The following ARHGAP22 variants were observed in gnomAD, a reference collection of about 807,000 sequenced individuals.
ARHGAP22 encodes the protein rho GTPase-activating protein 22.
Under a neutral mutation model 59.1 loss-of-function variants are expected in ARHGAP22, and 48 were observed. That is an observed-to-expected ratio of 0.81 (90% CI 0.64 to 1.03). The LOEUF is 1.03. ARHGAP22 is among the 50% of genes least tolerant of loss of function. The probability of loss-of-function intolerance (pLI) is 0.00; values close to 1 mark genes in which losing one functional copy is unlikely to be tolerated. For synonymous variants in ARHGAP22, 445 were observed against 416.4 expected (o/e 1.07, Z -0.84); for missense variants, 1,015 against 958.7 (o/e 1.06, Z -0.78).
At chr10:48,461,704 C>A (rs570188201) in intron 4 of ARHGAP22, among the ~76,000 whole-genome samples, 306 of 152,348 alleles carry the variant, frequency 2.0e-3, no homozygotes, top group African/African-American at 6.9e-3. Context: ...CTTGTGCCAG[C>A]CCCTAAGCTC....
intron 3 of ARHGAP22, 38 bp from the exon 4 acceptor site, chr10:48,479,802 T>C: frequency 1.3e-6 from 2 of 1,521,880 alleles, no homozygotes. Context: ...GCAGGGTCCC[T>C]GCCCGCAGCA....
intron 1 of ARHGAP22, among the ~76,000 whole-genome samples, chr10:48,593,657 TG>T (rs2059899168): frequency 6.6e-6 from 1 of 152,250 alleles, no homozygotes; most frequent in Non-Finnish European, 1.5e-5. Context: ...ATTCATGTGC[TG>T]GGCAAGATAG....
chr10:48,462,759 G>A lies in ARHGAP22; in HGVS notation c.452-2868C>T, dbSNP rs115285468. Among the ~76,000 whole-genome samples, 302 of 152,350 alleles carry A rather than the reference G, an allele frequency of 2.0e-3. 1 individual carries two copies. The highest frequency in any genetic ancestry group is 7.1e-3 in the African/African-American group (296 of 41,590). ...CCCTGCCCAGAAATGGGACCCAAGG[G>A]GCCATTCATCAGCCTTGAGCACAGG... On this transcript the variant is annotated intron_variant, in intron 4 of 9. Coordinates refer to ENST00000249601, the MANE Select transcript of ARHGAP22 (RefSeq NM_021226.4).
chr10:48,608,449 T>C (rs1369819019), upstream of ARHGAP22, among the ~76,000 whole-genome samples: 2 of 152,098 alleles, frequency 1.3e-5, no homozygotes, highest in Non-Finnish European at 2.9e-5. Context: ...AAAGGCGACA[T>C]ATAGATAGCA....
intron 1 of ARHGAP22, among the ~76,000 whole-genome samples, chr10:48,619,435 T>C (rs1461641074): frequency 6.6e-6 from 1 of 152,034 alleles, no homozygotes; most frequent in Non-Finnish European, 1.5e-5. Context: ...CTACTGAACT[T>C]AAAAATAAAC....
chr10:48,605,611 G>A (rs1181551649), upstream of ARHGAP22, among the ~76,000 whole-genome samples: 1 of 152,108 alleles, frequency 6.6e-6, no homozygotes, highest in African/African-American at 2.4e-5. Flanking sequence ...GTTTGATGCT[G>A]GCATAATTTT....
rs1293763504 is a variant in ARHGAP22, at chr10:48,450,962, G to A, written c.1167C>T (p.Pro389=). ...SQGEPGGPGL[P]AHRTSSLDGA... is the part of the protein sequence containing the mutation. ...CGTCCAGGGAAGAGGTCCTGTGCGC[G>A]GGCAGGCCGGGGCCGCCGGGCTCTC... Residue 389 remains proline (P), a synonymous_variant, in exon 9 of 10, where the codon CCC becomes CCT. Coordinates refer to ENST00000249601, the MANE Select transcript of ARHGAP22 (RefSeq NM_021226.4). 4 of 1,571,648 alleles carry A rather than the reference G, an allele frequency of 2.5e-6. No individual in the cohort carries two copies. Among genetic ancestry groups the A allele is most frequent in the Non-Finnish European group, 3.5e-6 (4 of 1,159,386 alleles).
At chr10:48,635,169 C>G (rs1218060614) in intron 1 of ARHGAP22, among the ~76,000 whole-genome samples, 1 of 152,118 alleles carries the variant, frequency 6.6e-6, no homozygotes, top group Non-Finnish European at 1.5e-5. Flanking sequence ...TCTGGGTCCA[C>G]CGTGAATGAA....
chr10:48,595,147 A>G (rs879121964), intron 1 of ARHGAP22, among the ~76,000 whole-genome samples: 1 of 152,338 alleles, frequency 6.6e-6, no homozygotes, highest in South Asian at 2.1e-4. Flanking sequence ...CTGTGAGTGC[A>G]GCCCCTAGAG....
At chr10:48,562,758 T>C (rs1001799196) in intron 2 of ARHGAP22, among the ~76,000 whole-genome samples, 2 of 152,202 alleles carry the variant, frequency 1.3e-5, no homozygotes, top group African/African-American at 2.4e-5. Context: ...TACCAAACTG[T>C]GCCCATGAAA....
In ARHGAP22 at chr10:48,628,878, T is replaced by C. The variant is rs114236541; in HGVS notation, c.52+23356A>G. ...TTCCCATCCATCAACCTGGGGAGTC[T>C]GAGCTGAGAGAGGCCACCACCCTCA... On this transcript the variant is annotated intron_variant, in intron 1 of 9. Coordinates refer to the ARHGAP22 transcript ENST00000435790. Among the ~76,000 whole-genome samples the C allele has an allele frequency of 9.0e-3, 1,369 of 152,236 alleles. 25 individuals carry two copies. The highest frequency in any genetic ancestry group is 0.031 in the African/African-American group (1,303 of 41,546).
At chr10:48,564,211 C>A (rs2057898942) in intron 2 of ARHGAP22, among the ~76,000 whole-genome samples, 1 of 152,068 alleles carries the variant, frequency 6.6e-6, no homozygotes, top group South Asian at 2.1e-4. Flanking sequence ...AAAATGGATG[C>A]ATAACAATCC....
intron 1 of ARHGAP22, among the ~76,000 whole-genome samples, chr10:48,626,028 A>G (rs1327761903): frequency 6.6e-6 from 1 of 152,182 alleles, no homozygotes; most frequent in East Asian, 1.9e-4. Context: ...AAAAGCAGCC[A>G]TGTCCCTTCT....
rs1182928949 is a variant in ARHGAP22, at chr10:48,604,784, T to C, written c.13A>G (p.Lys5Glu). The part of the protein sequence containing the change: MLSP[K>E]IRQARRARSK... ...TTACCCCTCCTGGCCTGCCTGATCT[T>C]TGGGCTCAGCATGTTCTTGCAGCCG... The change falls in exon 1 of 10, where the codon AAG becomes GAG. Residue 5 changes from lysine to glutamate, a missense_variant. By Grantham distance (56) the Lys-to-Glu change is moderately conservative (BLOSUM62 1). Coordinates refer to ENST00000249601, the MANE Select transcript of ARHGAP22 (RefSeq NM_021226.4). 2.6e-5 allele frequency: 42 copies of C among 1,614,072 alleles called. No individual in the cohort carries two copies. Among genetic ancestry groups the C allele is most frequent in the Non-Finnish European group, 3.6e-5 (42 of 1,180,024 alleles).
intron 1 of ARHGAP22, among the ~76,000 whole-genome samples, chr10:48,588,895 C>T (rs760311789): frequency 3.3e-5 from 5 of 152,166 alleles, no homozygotes; most frequent in Non-Finnish European, 7.4e-5. Flanking sequence ...GAGGTCCCTC[C>T]ACCCCGTGGA....
At chr10:48,655,008 C>CTCTTTCTTTCTTTCTTTCTTTCTTTCTT (rs369212947), upstream of ARHGAP22, among the ~76,000 whole-genome samples, 26 of 76,570 alleles carry the variant, frequency 3.4e-4, no homozygotes, top group Middle Eastern at 0.01. Flanking sequence ...CTCTTTCTTT[C>CTCTTTCTTTCTTTCTTTCTTTCTTTCTT]TCTTTCTTTC....
upstream of ARHGAP22, among the ~76,000 whole-genome samples, chr10:48,608,739 G>A (rs146679356): frequency 2.6e-5 from 4 of 152,186 alleles, no homozygotes; most frequent in African/African-American, 7.2e-5. Context: ...CGGACCAGCT[G>A]GAGAGTACCA....
Position 48,459,880 on chromosome 10 carries a change from G to T in ARHGAP22, c.463C>A (p.Gln155Lys). The stretch of plus-strand genomic sequence containing the variant: ...TGGTGGACTGTTTCCTCTAGGCGCT[G>T]CCCAAAGATCCCTGAGCACAGAGAG... ...WAPLGGGIFG[Q>K]RLEETVHHER... Residue 155 changes from glutamine (Q) to lysine (K), a missense_variant, in exon 5 of 10, where the codon CAG becomes AAG. By Grantham distance (53) the Gln-to-Lys change is moderately conservative. Coordinates refer to ENST00000249601, the MANE Select transcript of ARHGAP22 (RefSeq NM_021226.4). 6.2e-7 allele frequency: 1 copy of T among 1,612,270 alleles called. No homozygotes were observed. Among genetic ancestry groups the T allele is most frequent in the Non-Finnish European group, 8.5e-7 (1 of 1,179,858 alleles).
At chr10:48,454,855 A>C (rs1589445550) in intron 6 of ARHGAP22, 147 bp downstream of exon 6, 1 of 371,350 alleles carries the variant, frequency 2.7e-6, no homozygotes, top group East Asian at 9.8e-5. Context: ...AGGATGCTCC[A>C]GGCCCCCACC....
Sources: gnomAD v4.1 joint callset for allele counts (sites outside exome capture counted in the v4.1 genomes callset) on GRCh38, gnomAD v4.1.1 for gene constraint, MANE v1.5 for transcripts, NCBI Gene and HGNC (gene_info 2026-07-23, HGNC 2026-07-21) for gene names.